Variants in FILIP1L observed in about 807,000 individuals in gnomAD.
FILIP1L encodes filamin A interacting protein 1 like, also known as filamin A-interacting protein 1-like.
In FILIP1L, 55 loss-of-function variants were observed where a neutral mutation model predicts 96.6. The observed-to-expected ratio is 0.57, with a 90% CI of 0.46 to 0.71. FILIP1L has a LOEUF of 0.71. Among genes scored for constraint, FILIP1L ranks in the 30% least tolerant of loss-of-function variants. FILIP1L has a pLI of 0.00. For missense variants in FILIP1L, 1,304 were observed against 1,321.2 expected (o/e 0.99, Z 0.20); for synonymous variants, 467 against 473.9 (o/e 0.99, Z 0.19).
chr3:100,110,607 C>T (rs2066474727), intron 1 of FILIP1L, among the ~76,000 whole-genome samples: 1 of 152,148 alleles, frequency 6.6e-6, no homozygotes, highest in Admixed American at 6.6e-5. Context: ...CGTGTATTTG[C>T]TTGGTCATAG....
chr3:100,092,946 A>AT (rs2066138457), intron 1 of FILIP1L, among the ~76,000 whole-genome samples: 1 of 151,948 alleles, frequency 6.6e-6, no homozygotes, highest in Non-Finnish European at 1.5e-5. Flanking sequence ...ATTCTCCTGG[A>AT]TACACATAAC....
chr3:99,958,956 C>T (rs368211971), intron 1 of FILIP1L, among the ~76,000 whole-genome samples: 21 of 152,254 alleles, frequency 1.4e-4, no homozygotes, highest in African/African-American at 5.1e-4. Context: ...CTCTATACCA[C>T]TGGATTCTTG....
intron 1 of FILIP1L, among the ~76,000 whole-genome samples, chr3:99,969,722 A>G (rs1432883495): frequency 6.6e-6 from 1 of 152,132 alleles, no homozygotes; most frequent in African/African-American, 2.4e-5. Context: ...GCCCCACTAG[A>G]TAATTAGTTG....
chr3:99,933,229 A>G (rs1170664445), intron 1 of FILIP1L, among the ~76,000 whole-genome samples: 2 of 152,192 alleles, frequency 1.3e-5, no homozygotes, highest in Admixed American at 6.5e-5. Context: ...TGGTACAAAT[A>G]CCTTGTCCGA....
intron 5 of FILIP1L, among the ~76,000 whole-genome samples, chr3:99,835,358 G>GA (rs1225073899): frequency 1.3e-5 from 2 of 152,140 alleles, no homozygotes; most frequent in African/African-American, 4.8e-5. Context: ...TCTTTTGTTT[G>GA]AAAAATGCAG....
chr3:100,050,669 T>A (rs1017287464), intron 1 of FILIP1L, among the ~76,000 whole-genome samples: 2 of 152,152 alleles, frequency 1.3e-5, no homozygotes, highest in East Asian at 3.8e-4. Context: ...TAGCTGGGAT[T>A]ACAGGTGTGC....
At chr3:100,049,432 G>GC (rs1356281893) in intron 1 of FILIP1L, among the ~76,000 whole-genome samples, 1 of 152,132 alleles carries the variant, frequency 6.6e-6, no homozygotes, top group Non-Finnish European at 1.5e-5. Flanking sequence ...GGTTAATATG[G>GC]CACTAGAGTG....
intron 1 of FILIP1L, among the ~76,000 whole-genome samples, chr3:100,077,132 G>C (rs955189930): frequency 3.3e-5 from 5 of 152,216 alleles, no homozygotes; most frequent in African/African-American, 1.2e-4. Context: ...TTTGAAAGAA[G>C]AGTGGATGCT....
At position 99,953,553 on chromosome 3, in the gene FILIP1L, G is replaced by A. The variant is rs552704777; in HGVS notation, c.-10-22523C>T. 1.1e-3 allele frequency among the ~76,000 whole-genome samples: 166 copies of A among 152,196 alleles called. 1 individual carries two copies. The highest frequency in any genetic ancestry group is 3.9e-3 in the African/African-American group (162 of 41,494). On this transcript the variant is annotated intron_variant, in intron 1 of 5. Coordinates refer to ENST00000477258, the MANE Select transcript of FILIP1L (RefSeq NM_001387850.1). ...CGTTGGACCATTTTACCTTTGAATGGGGTCCTAAATCCTTGCATTTTTAAA... is the reference window on the plus strand; with the variant it reads ...CGTTGGACCATTTTACCTTTGAATGAGGTCCTAAATCCTTGCATTTTTAAA...
chr3:99,871,595 G>A (rs1944788529), intron 4 of FILIP1L, among the ~76,000 whole-genome samples: 1 of 152,218 alleles, frequency 6.6e-6, no homozygotes, highest in African/African-American at 2.4e-5. Context: ...CTTCATAGGT[G>A]ACTTCCTCTG....
At chr3:100,046,173 A>C (rs1345075642) in intron 1 of FILIP1L, among the ~76,000 whole-genome samples, 1 of 152,180 alleles carries the variant, frequency 6.6e-6, no homozygotes, top group Admixed American at 6.5e-5. Flanking sequence ...TTCCCAGGGC[A>C]CTGATAACTC....
intron 1 of FILIP1L, among the ~76,000 whole-genome samples, chr3:100,113,346 A>G (rs1037250972): frequency 2.0e-5 from 3 of 152,166 alleles, no homozygotes; most frequent in South Asian, 2.1e-4. Context: ...ATCATTTCCC[A>G]TTTATATCCA....
intron 1 of FILIP1L, among the ~76,000 whole-genome samples, chr3:99,964,064 ATTG>A (rs1307560675): frequency 7.2e-5 from 11 of 151,994 alleles, no homozygotes; most frequent in African/African-American, 2.7e-4. Flanking sequence ...GAACATAATA[ATTG>A]TTATGTGATT....
Position 100,080,743 on chromosome 3 carries a change from G to T in FILIP1L, c.-11+33310C>A, listed in dbSNP as rs566144357. ...GGTCATATCAGCTAATTCTTTATTTGCATTGGAACTGGAAGGCTTGTGAGA... is the reference window on the plus strand; with the variant it reads ...GGTCATATCAGCTAATTCTTTATTTTCATTGGAACTGGAAGGCTTGTGAGA... On this transcript the variant is annotated intron_variant, in intron 1 of 5. Transcript: ENST00000477258. 2.0e-5 allele frequency among the ~76,000 whole-genome samples: 3 copies of T among 152,226 alleles called. No homozygotes were observed. The East Asian group carries it at 5.8e-4, about 29-fold the overall frequency.
chr3:100,067,388 G>A (rs1190459710), intron 1 of FILIP1L, among the ~76,000 whole-genome samples: 3 of 152,134 alleles, frequency 2.0e-5, no homozygotes, highest in Non-Finnish European at 4.4e-5. Flanking sequence ...CCCTGGTGAA[G>A]GTTGTATATA....
At chr3:99,998,547 A>G (rs1709748117) in intron 1 of FILIP1L, among the ~76,000 whole-genome samples, 1 of 152,180 alleles carries the variant, frequency 6.6e-6, no homozygotes, top group Admixed American at 6.5e-5. Flanking sequence ...AGAAAAATGC[A>G]GGTATTTTGG....
At position 99,850,285 on chromosome 3, in the gene FILIP1L, C is replaced by T. The variant is rs117524727; in HGVS notation, c.1391G>A (p.Ser464Asn). ...TAGCTCTTTGATCCTTACTTTTAAA[C>T]TCTCCAGTTCTTGAGACAACTGCTT... Reference protein sequence around the residue: ...TTKQLSQELESLKVRIKELEA... With the variant: ...TTKQLSQELENLKVRIKELEA... Residue 464 changes from serine (S) to asparagine (N), a missense_variant, in exon 5 of 6, where the codon AGT (serine) becomes AAT (asparagine). Coordinates refer to ENST00000477258, the MANE Select transcript of FILIP1L (RefSeq NM_001387850.1). 43 of 1,613,860 alleles carry T rather than the reference C, an allele frequency of 2.7e-5. No individual in the cohort carries two copies. In the East Asian group the frequency reaches 8.9e-4, roughly 33 times the overall value.
intron 1 of FILIP1L, among the ~76,000 whole-genome samples, chr3:100,048,011 A>G (rs1246637013): frequency 6.6e-6 from 1 of 152,138 alleles, no homozygotes; most frequent in African/African-American, 2.4e-5. Context: ...ACTGGGCCAT[A>G]GCTTGTGAAA....
intron 1 of FILIP1L, among the ~76,000 whole-genome samples, chr3:100,010,611 T>TC (rs1247813152): frequency 2.1e-5 from 3 of 141,720 alleles, no homozygotes; most frequent in African/African-American, 5.0e-5. Flanking sequence ...AGTTTTTCTT[T>TC]CTTTTTTTTT....
Sources: allele counts gnomAD v4.1 joint callset (sites outside exome capture counted in the v4.1 genomes callset), GRCh38; gene constraint gnomAD v4.1.1; transcripts MANE v1.5; gene names NCBI Gene and HGNC (gene_info 2026-07-23, HGNC 2026-07-21).